The following DSCAM variants were observed in gnomAD, a reference collection of about 807,000 sequenced individuals.
DSCAM encodes the protein cell adhesion molecule DSCAM.
A neutral mutation model predicts 217.7 loss-of-function variants in DSCAM; 47 were observed. That is an observed-to-expected ratio of 0.22 (90% CI 0.17 to 0.28). The LOEUF is 0.28. DSCAM is among the 10% of genes least tolerant of loss of function. The pLI is 1.00. For synonymous variants in DSCAM, 1,056 were observed against 1,015.3 expected, an observed-to-expected ratio of 1.04 and a Z score of -0.76; for missense variants, 2,080 against 2,618.3, an observed-to-expected ratio of 0.79 and a Z score of 4.49.
intron 22 of DSCAM, 25 bp downstream of exon 22, chr21:40,087,145 A>G: frequency 1.3e-6 from 2 of 1,487,614 alleles, no homozygotes; most frequent in Non-Finnish European, 1.9e-6. Context: ...GTCTCACTGA[A>G]GGCATACATT....
intron 10 of DSCAM, among the ~76,000 whole-genome samples, chr21:40,287,583 T>C (rs957134191): frequency 6.6e-6 from 1 of 152,208 alleles, no homozygotes. Flanking sequence ...CCCCTCCATC[T>C]TGCATGGAAA....
intron 1 of DSCAM, among the ~76,000 whole-genome samples, chr21:40,749,813 G>T (rs565500423): frequency 6.6e-6 from 1 of 152,164 alleles, no homozygotes; most frequent in African/African-American, 2.4e-5. Context: ...CTGAGAGATG[G>T]AACTGACTTA....
chr21:40,402,133 C>T (rs537523537), intron 3 of DSCAM, among the ~76,000 whole-genome samples: 1 of 140,398 alleles, frequency 7.1e-6, no homozygotes, highest in South Asian at 2.4e-4. Flanking sequence ...CACCTCGGCT[C>T]ACTGCAAGCT....
intron 3 of DSCAM, among the ~76,000 whole-genome samples, chr21:40,414,037 T>C (rs993893144): frequency 5.9e-5 from 9 of 152,174 alleles, no homozygotes; most frequent in Admixed American, 5.2e-4. Flanking sequence ...GAAGAAAACA[T>C]TTAAGAAAAC....
At chr21:40,342,553 CATTTATT>C (rs1336827193) in intron 6 of DSCAM, among the ~76,000 whole-genome samples, 1 of 146,138 alleles carries the variant, frequency 6.8e-6, no homozygotes, top group Non-Finnish European at 1.5e-5. Flanking sequence ...TTTTGCCATA[CATTTATT>C]GAGTTGTTTC....
intron 11 of DSCAM, among the ~76,000 whole-genome samples, chr21:40,206,628 A>T (rs1331055858): frequency 6.6e-6 from 1 of 152,090 alleles, no homozygotes; most frequent in Non-Finnish European, 1.5e-5. Flanking sequence ...TTTATTTTTT[A>T]AAAATCCCAA....
At chr21:40,656,613 C>G (rs779907873) in intron 3 of DSCAM, among the ~76,000 whole-genome samples, 6 of 152,170 alleles carry the variant, frequency 3.9e-5, no homozygotes, top group Non-Finnish European at 8.8e-5. Flanking sequence ...TTCTCCATCA[C>G]GCTTCTGTGT....
intron 3 of DSCAM, among the ~76,000 whole-genome samples, chr21:40,380,674 G>T (rs2123727386): frequency 6.6e-6 from 1 of 152,304 alleles, no homozygotes. Flanking sequence ...GATTATTCAT[G>T]GATAAGTAGA....
chr21:40,526,143 G>A (rs550921237), intron 3 of DSCAM, among the ~76,000 whole-genome samples: 4 of 152,104 alleles, frequency 2.6e-5, no homozygotes, highest in Admixed American at 6.6e-5. Context: ...CTTGCTTCTC[G>A]GGGAGCCCAG....
chr21:40,583,366 T>G (rs1348367002), intron 3 of DSCAM, among the ~76,000 whole-genome samples: 1 of 152,218 alleles, frequency 6.6e-6, no homozygotes, highest in Non-Finnish European at 1.5e-5. Flanking sequence ...GAGTTGTATT[T>G]GTGGTATATC....
intron 3 of DSCAM, among the ~76,000 whole-genome samples, chr21:40,674,876 G>A (rs979621511): frequency 6.6e-6 from 1 of 151,978 alleles, no homozygotes; most frequent in East Asian, 1.9e-4. Flanking sequence ...ACCCGCCTTG[G>A]CTTCCCAAAG....
chr21:40,187,759 A>G, intron 13 of DSCAM, 132 bp downstream of exon 13: 1 of 826,498 alleles, frequency 1.2e-6, no homozygotes, highest in Non-Finnish European at 2.0e-6. Context: ...CTGACATTAT[A>G]CATATTCAAA....
chr21:40,300,098 G>A (rs907657072), intron 9 of DSCAM, among the ~76,000 whole-genome samples: 6 of 152,016 alleles, frequency 3.9e-5, no homozygotes, highest in African/African-American at 7.2e-5. Context: ...TCAGGGTGTT[G>A]TCTTCAATCT....
chr21:40,208,540 C>A (rs1234555059), intron 11 of DSCAM, among the ~76,000 whole-genome samples: 3 of 152,306 alleles, frequency 2.0e-5, no homozygotes, highest in African/African-American at 4.8e-5. Flanking sequence ...TGAGCTGTTG[C>A]TTTCATTGTT....
At chr21:40,586,870 G>T (rs456076) in intron 3 of DSCAM, among the ~76,000 whole-genome samples, 1,807 of 152,268 alleles carry the variant, frequency 0.012, 15 homozygotes, top group Non-Finnish European at 0.019. Context: ...TTAGACAACA[G>T]AAGAAGGCTG....
chr21:40,613,864 T>C (rs1175217719), intron 3 of DSCAM, among the ~76,000 whole-genome samples: 2 of 151,908 alleles, frequency 1.3e-5, no homozygotes, highest in Non-Finnish European at 2.9e-5. Flanking sequence ...CATTTGCTGA[T>C]TGCTTGTCAG....
At chr21:40,669,619 G>C (rs563095007) in intron 3 of DSCAM, among the ~76,000 whole-genome samples, 3 of 145,352 alleles carry the variant, frequency 2.1e-5, no homozygotes, top group East Asian at 4.0e-4. Flanking sequence ...ACAGAGTCTC[G>C]CTCTGTCAGA....
intron 3 of DSCAM, among the ~76,000 whole-genome samples, chr21:40,671,185 T>C (rs545248744): frequency 5.3e-5 from 8 of 152,296 alleles, no homozygotes; most frequent in African/African-American, 1.9e-4. Flanking sequence ...AAGTTCATTT[T>C]CCTCACCACA....
intron 1 of DSCAM, among the ~76,000 whole-genome samples, chr21:40,728,991 T>C (rs929202518): frequency 2.6e-5 from 4 of 152,214 alleles, no homozygotes; most frequent in South Asian, 4.1e-4. Flanking sequence ...TCCACTGACA[T>C]GGGTCGCTAG....
Sources: allele counts gnomAD v4.1 joint callset (sites outside exome capture counted in the v4.1 genomes callset), GRCh38; gene constraint gnomAD v4.1.1; transcripts MANE v1.5; gene names NCBI Gene and HGNC (gene_info 2026-07-23, HGNC 2026-07-21).